CYP4F2: variants seen among roughly 807,000 people sequenced by gnomAD.
CYP4F2 encodes cytochrome P450 family 4 subfamily F member 2.
In CYP4F2, 58 loss-of-function variants were observed where a neutral mutation model predicts 58.9. The observed-to-expected ratio is 0.98, with a 90% CI of 0.80 to 1.23. The LOEUF (loss-of-function observed/expected upper bound fraction) is 1.23, where lower values mean the gene tolerates loss of function less well. Ranked by LOEUF, CYP4F2 falls within the 50% of genes most tolerant of loss-of-function variation. CYP4F2 has a pLI of 0.00. For missense variants in CYP4F2, 616 were observed against 685.6 expected (o/e 0.90, Z 1.13); for synonymous variants, 287 against 261.1 (o/e 1.10, Z -0.95).
rs185277418 is a variant in CYP4F2, at chr19:15,897,756, G to A, written c.-1-144C>T. On this transcript the variant is annotated intron_variant, in intron 1 of 12. Transcript: ENST00000221700. ...GGGATGGGTAAAAAGGGGCTGAGAGGTAAAGTCCAGAAAGGCCCAACCAAA... is the reference window on the plus strand; with the variant it reads ...GGGATGGGTAAAAAGGGGCTGAGAGATAAAGTCCAGAAAGGCCCAACCAAA... 2.2e-5 allele frequency: 23 copies of A among 1,030,192 alleles called. No homozygotes were observed. In the African/African-American group the frequency reaches 3.0e-4, roughly 13 times the overall value. The allele number at this position is 1,030,192 out of a possible 1,614,324, so 63.8% of individuals were successfully genotyped here.
At chr19:15,884,824 T>C (rs1379238708) in intron 9 of CYP4F2, among the ~76,000 whole-genome samples, 1 of 152,114 alleles carries the variant, frequency 6.6e-6, no homozygotes, top group Non-Finnish European at 1.5e-5. Context: ...CCACTGTGCC[T>C]TCATTCTACA....
Position 15,892,540 on chromosome 19 carries a change from T to G in CYP4F2, c.386A>C (p.Glu129Ala). ...PKDKFFYSFLEPWLGDGLLLS... is the reference protein window; with the variant it reads ...PKDKFFYSFLAPWLGDGLLLS... ...CTGCAGATACTCACCCAGCCAGGGC[T>G]CCAGGAAGCTGTAGAAGAACTTGTC... is the stretch of plus-strand genomic sequence containing the variant. The change falls in exon 4 of 13, where the codon GAG (glutamate) becomes GCG (alanine). Residue 129 changes from glutamate to alanine, a missense_variant. Transcript: ENST00000221700. The G allele has an allele frequency of 6.2e-7, 1 of 1,614,076 alleles. No individual in the cohort carries two copies.
rs2074900 is a variant in CYP4F2 at position 15,886,010 on chromosome 19, G to A, written c.1029C>T (p.His343=). The change falls in exon 9 of 13, where the codon CAC becomes CAT. Residue 343 remains histidine, a synonymous_variant. Coordinates refer to ENST00000221700, the MANE Select transcript of CYP4F2 (RefSeq NM_001082.5). The stretch of plus-strand genomic sequence containing the variant: ...CCTGGTATTCTGGGTGCTTTGCAAG[G>A]TGGTACAGGACCCAGGAGAGACCAC... ...TASGLSWVLY[H]LAKHPEYQER... 0.3 allele frequency: 487,542 copies of A among 1,613,564 alleles called. 75,671 individuals are homozygous for A. The highest frequency in any genetic ancestry group is 0.32 in the Non-Finnish European group (378,493 of 1,179,796).
chr19:15,886,480 C>T (rs2089381072), intron 7 of CYP4F2, 172 bp from the exon 8 acceptor site: 1 of 743,846 alleles, frequency 1.3e-6, no homozygotes, highest in Admixed American at 2.9e-5. Flanking sequence ...CCAGAGCCCT[C>T]ACCTCATGGC....
intron 9 of CYP4F2, among the ~76,000 whole-genome samples, chr19:15,881,551 CATAG>C (rs1464968027): frequency 3.5e-4 from 52 of 147,354 alleles, no homozygotes; most frequent in African/African-American, 1.2e-3. Context: ...TATATAGATA[CATAG>C]ATAGATGATG....
chr19:15,897,607 G>A lies in CYP4F2; in HGVS notation c.5C>T (p.Ser2Phe), dbSNP rs144146357. 1.7e-4 allele frequency: 282 copies of A among 1,613,520 alleles called. 1 individual carries two copies. In the Middle Eastern group the frequency reaches 2.2e-3, roughly 12 times the overall value. ...GCCCAGCCAGGACAGGCTCAGCTGGGACATCCTGCAGGGCAGACGGGATGG... is the reference window on the plus strand; with the variant it reads ...GCCCAGCCAGGACAGGCTCAGCTGGAACATCCTGCAGGGCAGACGGGATGG... M[S>F]QLSLSWLGLW... The change falls in exon 2 of 13, where the codon TCC (serine) becomes TTC (phenylalanine). Residue 2 changes from serine (S) to phenylalanine (F), a missense_variant. By Grantham distance (155) the Ser-to-Phe change is radical (BLOSUM62 -2). Coordinates refer to ENST00000221700, the MANE Select transcript of CYP4F2 (RefSeq NM_001082.5).
rs2108622 is a variant in CYP4F2, at chr19:15,879,621, C to T, written c.1297G>A (p.Val433Met). 0.29 allele frequency: 464,023 copies of T among 1,613,898 alleles called. 69,909 individuals are homozygous for T. The highest frequency in any genetic ancestry group is 0.39 in the South Asian group (35,540 of 91,062). The change falls in exon 11 of 13, where the codon GTG becomes ATG. Residue 433 changes from valine (V) to methionine (M), a missense_variant. Physicochemically the swap from Val to Met is conservative, Grantham distance 21. Coordinates refer to ENST00000221700, the MANE Select transcript of CYP4F2 (RefSeq NM_001082.5). ...CCCCGCACCTCAGGGTCCGGCCACA[C>T]AGCTGGGTTGTGATGGGTTCCGAAA... ...SVFGTHHNPA[V>M]WPDPEVYDPF...
At chr19:15,889,025 T>C (rs2089399671) in intron 7 of CYP4F2, among the ~76,000 whole-genome samples, 1 of 151,890 alleles carries the variant, frequency 6.6e-6, no homozygotes, top group African/African-American at 2.4e-5. Context: ...TAAAAAGACA[T>C]ACAGATATGG....
intron 3 of CYP4F2, among the ~76,000 whole-genome samples, chr19:15,893,438 C>T (rs1037632448): frequency 6.6e-6 from 1 of 152,192 alleles, no homozygotes; most frequent in East Asian, 1.9e-4. Flanking sequence ...ACTTGACCAG[C>T]TCTACATGAC....
At chr19:15,893,488 A>G (rs1035700972) in intron 3 of CYP4F2, among the ~76,000 whole-genome samples, 3 of 152,216 alleles carry the variant, frequency 2.0e-5, no homozygotes, top group African/African-American at 7.2e-5. Context: ...CAGGTATAAC[A>G]TATTTCAGGT....
At chr19:15,892,871 A>T (rs2089425356) in intron 3 of CYP4F2, among the ~76,000 whole-genome samples, 1 of 152,068 alleles carries the variant, frequency 6.6e-6, no homozygotes, top group Non-Finnish European at 1.5e-5. Context: ...ATGTTCCGCA[A>T]CCCCTGAGCA....
chr19:15,880,297 T>C (rs954388097), intron 9 of CYP4F2, among the ~76,000 whole-genome samples: 16 of 152,018 alleles, frequency 1.1e-4, no homozygotes, highest in African/African-American at 3.9e-4. Context: ...CCTCCAAAAG[T>C]TGAAAGGCAA....
At chr19:15,879,955 C>T (rs1883535136) in intron 9 of CYP4F2, 58 bp from the exon 10 acceptor site, 2 of 1,597,210 alleles carry the variant, frequency 1.3e-6, no homozygotes, top group East Asian at 2.2e-5. Flanking sequence ...AATTCTCCAG[C>T]TTCTCTCTGT....
intron 2 of CYP4F2, 43 bp downstream of exon 2, chr19:15,897,371 C>T: frequency 6.6e-7 from 1 of 1,520,026 alleles, no homozygotes; most frequent in Non-Finnish European, 9.0e-7. Flanking sequence ...CTCAGGAAGT[C>T]CATCCATCCT....
At position 15,885,211 on chromosome 19, in the gene CYP4F2, T is replaced by A. The variant is rs1243222715; in HGVS notation, c.1115+713A>T. 2.0e-5 allele frequency among the ~76,000 whole-genome samples: 3 copies of A among 151,780 alleles called. No individual in the cohort carries two copies. In the East Asian group the frequency reaches 5.8e-4, roughly 29 times the overall value. ...AGCACTGCCCCCCAACTGTACCCAA[T>A]TATCTACTGATCATTATTTAGGCTC... On this transcript the variant is annotated intron_variant, in intron 9 of 12. Coordinates refer to ENST00000221700, the MANE Select transcript of CYP4F2 (RefSeq NM_001082.5).
At chr19:15,896,677 T>A (rs771792984) in intron 2 of CYP4F2, among the ~76,000 whole-genome samples, 7 of 152,048 alleles carry the variant, frequency 4.6e-5, no homozygotes, top group Non-Finnish European at 1.0e-4. Context: ...GGACAATGGC[T>A]CCCACCTGGG....
intron 2 of CYP4F2, among the ~76,000 whole-genome samples, chr19:15,896,661 C>T (rs2089450212): frequency 6.6e-6 from 1 of 152,180 alleles, no homozygotes; most frequent in Non-Finnish European, 1.5e-5. Flanking sequence ...CTCTAACTGT[C>T]CATCAGGACA....
chr19:15,881,458 A>G (rs561314169), intron 9 of CYP4F2, among the ~76,000 whole-genome samples: 22 of 152,164 alleles, frequency 1.4e-4, no homozygotes, highest in Non-Finnish European at 2.5e-4. Flanking sequence ...TAAATAAGAG[A>G]TATAGAGAGA....
rs549716715 is a variant in CYP4F2 at position 15,893,363 on chromosome 19, C to G, written c.344-781G>C. ...GAGAAAACGGCAGTGTCAAACAGCA[C>G]CTGAGACAAGAACCAAACAGGCCCT... On this transcript the variant is annotated intron_variant, in intron 3 of 12. Transcript: ENST00000221700. Among the ~76,000 whole-genome samples the G allele has an allele frequency of 2.0e-5, 3 of 152,248 alleles. No homozygotes were observed. In the East Asian group the frequency reaches 5.8e-4, roughly 29 times the overall value.
Sources: allele counts gnomAD v4.1 joint callset (sites outside exome capture counted in the v4.1 genomes callset), GRCh38; gene constraint gnomAD v4.1.1; transcripts MANE v1.5; gene names NCBI Gene and HGNC (gene_info 2026-07-23, HGNC 2026-07-21).